RAD50: variants seen among roughly 807,000 people sequenced by gnomAD.
RAD50 encodes DNA repair protein RAD50.
Under a neutral mutation model 168.8 loss-of-function variants are expected in RAD50, and 132 were observed. The ratio of observed to expected loss-of-function variants is 0.78; its 90% CI spans 0.68 to 0.90. RAD50 has a LOEUF of 0.90. Ranked by LOEUF, RAD50 falls within the 40% of genes least tolerant of loss-of-function variation. The probability of loss-of-function intolerance (pLI) is 0.00; values close to 1 mark genes in which losing one functional copy is unlikely to be tolerated. For missense variants in RAD50, 1,347 were observed against 1,534.4 expected, an observed-to-expected ratio of 0.88 and a Z score of 2.04; for synonymous variants, 525 against 497.4, an observed-to-expected ratio of 1.06 and a Z score of -0.74.
In RAD50 at chr5:132,645,914, A is replaced by G. The variant is rs972545829; in HGVS notation, c.*3550A>G. On this transcript the variant is annotated 3_prime_UTR_variant, in exon 25 of 25. Coordinates refer to ENST00000378823, the MANE Select transcript of RAD50 (RefSeq NM_005732.4). ...AGTCTGAGCAACATAGTGACATCCC[A>G]TCTTTACATAAAATTTTTAAAAAAT... The G allele has an allele frequency of 6.6e-6, 1 of 152,038 alleles. No homozygotes were observed. The highest frequency in any genetic ancestry group is 2.4e-5 in the African/African-American group (1 of 41,378). 9.4% of individuals were successfully genotyped at this position (152,038 alleles called of 1,614,324 possible). A position where few individuals can be genotyped will look rare whatever the true frequency, so the allele number is the denominator to read the frequency against.
At chr5:132,629,289 G>T (rs528555104) in intron 21 of RAD50, among the ~76,000 whole-genome samples, 1 of 152,216 alleles carries the variant, frequency 6.6e-6, no homozygotes, top group Non-Finnish European at 1.5e-5. Flanking sequence ...ACTGCTGACA[G>T]TCTGTCTGAT....
chr5:132,592,523 A>T (rs1015366794), intron 11 of RAD50, among the ~76,000 whole-genome samples: 1 of 151,914 alleles, frequency 6.6e-6, no homozygotes, highest in African/African-American at 2.4e-5. Context: ...GTGGAAAAGG[A>T]CTCTCTGGTG....
At chr5:132,628,666 G>A (rs578247008) in intron 21 of RAD50, among the ~76,000 whole-genome samples, 1 of 152,006 alleles carries the variant, frequency 6.6e-6, no homozygotes, top group South Asian at 2.1e-4. Context: ...ACCAACATGG[G>A]GAAACCACGT....
chr5:132,583,690 CTT>C lies in RAD50; in HGVS notation c.756+3643_756+3644del, dbSNP rs35842753. On this transcript the variant is annotated intron_variant, in intron 5 of 24. Coordinates refer to ENST00000378823, the MANE Select transcript of RAD50 (RefSeq NM_005732.4). ...TGCTGCATGTGTGAGTAATTCATTC[CTT>C]TTTTTTTTTTTTTTTTTTGAGACGG... is the stretch of plus-strand genomic sequence containing the variant. 3.8e-3 allele frequency among the ~76,000 whole-genome samples: 447 copies of C among 117,602 alleles called. 2 individuals are homozygous for C. The highest frequency in any genetic ancestry group is 0.014 in the African/African-American group (410 of 28,498). 77.2% of individuals were successfully genotyped at this position (117,602 alleles called of 152,430 possible).
chr5:132,619,973 C>T (rs893817077), intron 21 of RAD50, among the ~76,000 whole-genome samples: 2 of 150,210 alleles, frequency 1.3e-5, no homozygotes, highest in Non-Finnish European at 3.0e-5. Flanking sequence ...GGCGCCATCT[C>T]GGCTCACTGC....
rs1426014804 is a variant in RAD50, at chr5:132,588,088, G to C, written c.1050G>C (p.Gln350His). The C allele has an allele frequency of 6.2e-7, 1 of 1,609,564 alleles. No homozygotes were observed. The highest frequency in any genetic ancestry group is 2.2e-5 in the East Asian group (1 of 44,744). Residue 350 changes from glutamine (Q) to histidine (H), a missense_variant and splice_region_variant, in exon 7 of 25, where the codon CAG becomes CAC. Gln to His is a conservative substitution (Grantham distance 24). Coordinates refer to ENST00000378823, the MANE Select transcript of RAD50 (RefSeq NM_005732.4). ...AAAAATCAGAACTGCTTGTTGAACA[G>C]GGTAGGACAAAATGTTTATTTGGTC... ...NQEKSELLVE[Q>H]GRLQLQADRH...
intron 9 of RAD50, among the ~76,000 whole-genome samples, chr5:132,590,665 A>G (rs531143616): frequency 6.6e-6 from 1 of 152,148 alleles, no homozygotes; most frequent in African/African-American, 2.4e-5. Flanking sequence ...TCACATCTCC[A>G]TTACCAAAGT....
At chr5:132,589,520 C>CA (rs1157960928) in intron 8 of RAD50, 111 bp from the exon 9 acceptor site, 1 of 822,968 alleles carries the variant, frequency 1.2e-6, no homozygotes, top group Non-Finnish European at 1.9e-6. Context: ...CTGAGCAACA[C>CA]ACGACTGTAC....
At chr5:132,590,896 TAATA>T (rs1027781696) in intron 9 of RAD50, among the ~76,000 whole-genome samples, 3 of 152,226 alleles carry the variant, frequency 2.0e-5, no homozygotes, top group African/African-American at 7.2e-5. Context: ...CATGGGGACA[TAATA>T]AATATTTAAT....
intron 5 of RAD50, 106 bp from the exon 6 acceptor site, chr5:132,587,455 AG>A: frequency 1.3e-6 from 2 of 1,483,526 alleles, no homozygotes; most frequent in Non-Finnish European, 1.8e-6. Flanking sequence ...GCCTTAAATG[AG>A]ATCACTTTTA....
intron 5 of RAD50, among the ~76,000 whole-genome samples, chr5:132,585,393 G>A (rs1382428847): frequency 2.6e-5 from 4 of 152,042 alleles, no homozygotes; most frequent in Non-Finnish European, 5.9e-5. Flanking sequence ...GTCTCATTGT[G>A]ACATTGTGAG....
At chr5:132,616,855 A>T (rs1005290674) in intron 20 of RAD50, among the ~76,000 whole-genome samples, 2 of 152,216 alleles carry the variant, frequency 1.3e-5, no homozygotes, top group East Asian at 3.8e-4. Flanking sequence ...TCTTGAATTT[A>T]TACAGAAATC....
intron 2 of RAD50, among the ~76,000 whole-genome samples, chr5:132,561,463 G>T (rs1397726968): frequency 6.7e-6 from 1 of 149,330 alleles, no homozygotes; most frequent in Non-Finnish European, 1.5e-5. Flanking sequence ...AAAGTGCTGG[G>T]ATTACAGATG....
intron 2 of RAD50, among the ~76,000 whole-genome samples, chr5:132,560,540 A>T (rs1188984559): frequency 6.6e-6 from 1 of 152,220 alleles, no homozygotes; most frequent in African/African-American, 2.4e-5. Context: ...TACTTTATTG[A>T]GAAATAGGAA....
Position 132,616,066 on chromosome 5 carries a change from G to A in RAD50, c.3100G>A (p.Val1034Ile). 1 of 1,611,714 alleles carries A rather than the reference G, an allele frequency of 6.2e-7. No homozygotes were observed. The highest frequency in any genetic ancestry group is 1.1e-5 in the South Asian group (1 of 90,954). ...AAAAAGAAATGAGGAACTAAAAGAA[G>A]TTGAAGAAGAAAGAAAACAACATTT... ...LRKRNEELKE[V>I]EEERKQHLKE... Residue 1034 changes from valine (V) to isoleucine (I), a missense_variant, in exon 20 of 25, where the codon GTT becomes ATT. Val to Ile is a conservative substitution (Grantham distance 29). This residue lies in a region of RAD50 where 635 missense variants were observed against 739.2 expected (regional missense o/e 0.86). Coordinates refer to ENST00000378823, the MANE Select transcript of RAD50 (RefSeq NM_005732.4).
intron 21 of RAD50, among the ~76,000 whole-genome samples, chr5:132,629,487 G>A (rs3798134): frequency 0.26 from 39,755 of 152,034 alleles, 5,770 homozygotes; most frequent in African/African-American, 0.39. Flanking sequence ...ATTTAGGCTT[G>A]TTAAGGAACA....
chr5:132,644,526 AT>A lies in RAD50; in HGVS notation c.*2163del, dbSNP rs1441391183. 1 of 181,308 alleles carries A rather than the reference AT, an allele frequency of 5.5e-6. No homozygotes were observed. The highest frequency in any genetic ancestry group is 2.4e-5 in the African/African-American group (1 of 42,418). The allele number at this position is 181,308 out of a possible 1,614,324, so 11.2% of individuals were successfully genotyped here. A position where few individuals can be genotyped will look rare whatever the true frequency, so the allele number is the denominator to read the frequency against. On this transcript the variant is annotated 3_prime_UTR_variant, in exon 25 of 25. Coordinates refer to ENST00000378823, the MANE Select transcript of RAD50 (RefSeq NM_005732.4). ...ATGGTACATATTTTGTAGGGTTGTT[AT>A]GAAGATTGAATGACATTATTTACAA...
rs2149842188 is a variant in RAD50, at chr5:132,591,283, A to C, written c.1512A>C (p.Val504=). Residue 504 remains valine, a synonymous_variant, in exon 10 of 25, where the codon GTA becomes GTC. Transcript: ENST00000378823. Reference sequence around the variant, plus strand: ...ATGTAGAAACCTTAAAAATGGAAGTAATAAGTCTCCAAAATGAAAAAGCAG... The same window carrying C: ...ATGTAGAAACCTTAAAAATGGAAGTCATAAGTCTCCAAAATGAAAAAGCAG... ...NSNVETLKME[V]ISLQNEKADL... 2 of 1,613,082 alleles carry C rather than the reference A, an allele frequency of 1.2e-6. No homozygotes were observed. The highest frequency in any genetic ancestry group is 1.3e-5 in the African/African-American group (1 of 75,006).
Position 132,588,764 on chromosome 5 carries a change from C to G in RAD50, c.1129C>G (p.Gln377Glu), listed in dbSNP as rs773142865. The G allele has an allele frequency of 1.3e-5, 21 of 1,613,754 alleles. No homozygotes were observed. Among genetic ancestry groups the G allele is most frequent in the Non-Finnish European group, 1.8e-5 (21 of 1,179,864 alleles). The change falls in exon 8 of 25, where the codon CAG (glutamine) becomes GAG (glutamate). Residue 377 changes from glutamine (Q) to glutamate (E), a missense_variant. This residue lies in a region of RAD50 where 703 missense variants were observed against 767.7 expected (regional missense o/e 0.92). Transcript: ENST00000378823. ...RDSLIQSLAT[Q>E]LELDGFERGP... ...TTCATTAATTCAGTCTTTGGCAACA[C>G]AGCTAGAATTGGATGGCTTTGAGCG... is the stretch of plus-strand genomic sequence containing the variant.
Sources: allele counts gnomAD v4.1 joint callset (sites outside exome capture counted in the v4.1 genomes callset), GRCh38; gene constraint gnomAD v4.1.1; regional missense constraint gnomAD v4.1.1; transcripts MANE v1.5; gene names NCBI Gene and HGNC (gene_info 2026-07-23, HGNC 2026-07-21).